Variants in ATP8B4 observed in about 807,000 individuals in gnomAD.
ATP8B4 encodes probable phospholipid-transporting ATPase IM.
A neutral mutation model predicts 145.6 loss-of-function variants in ATP8B4; 133 were observed. The observed-to-expected ratio is 0.91, with a 90% confidence interval of 0.79 to 1.05. The LOEUF (loss-of-function observed/expected upper bound fraction) is 1.05, where lower values mean the gene tolerates loss of function less well. ATP8B4 is among the 50% of genes least tolerant of loss of function. ATP8B4 has a pLI of 0.00. For missense variants in ATP8B4, 1,458 were observed against 1,425.2 expected (o/e 1.02, Z -0.37); for synonymous variants, 507 against 492.9 (o/e 1.03, Z -0.38).
At chr15:50,046,255 TTC>T (rs943631842) in intron 4 of ATP8B4, among the ~76,000 whole-genome samples, 1 of 151,988 alleles carries the variant, frequency 6.6e-6, no homozygotes, top group African/African-American at 2.4e-5. Context: ...TTCATTCGTT[TTC>T]TCTCTCTCTC....
chr15:49,979,731 C>A lies in ATP8B4; in HGVS notation c.920G>T (p.Arg307Ile), dbSNP rs766973778. 3.1e-6 allele frequency: 5 copies of A among 1,611,150 alleles called. No homozygotes were observed. ...IWESQTGDQF[R>I]TFLFWNEGEK... ...TCCTTCATTCCAAAAGAGGAAAGTT[C>A]TGAATTGGTCCCCAGTTTGACTCTC... Residue 307 changes from arginine to isoleucine, a missense_variant, in exon 12 of 28, where the codon AGA becomes ATA. Coordinates refer to ENST00000284509, the MANE Select transcript of ATP8B4 (RefSeq NM_024837.4).
intron 14 of ATP8B4, among the ~76,000 whole-genome samples, chr15:49,953,343 G>A (rs921157193): frequency 3.3e-5 from 5 of 152,140 alleles, no homozygotes; most frequent in African/African-American, 7.2e-5. Context: ...CAGAGACTGC[G>A]GCCACCCCTC....
At chr15:50,112,944 G>A (rs1486393339) in intron 1 of ATP8B4, among the ~76,000 whole-genome samples, 1 of 152,146 alleles carries the variant, frequency 6.6e-6, no homozygotes, top group African/African-American at 2.4e-5. Context: ...TGGAGAGGAA[G>A]AGGCTCCCTG....
chr15:50,158,236 C>T (rs540006031), intron 1 of ATP8B4, among the ~76,000 whole-genome samples: 3 of 151,594 alleles, frequency 2.0e-5, no homozygotes, highest in South Asian at 4.2e-4. Context: ...ATGTGAGGAG[C>T]CCCTCTGCCC....
upstream of ATP8B4, among the ~76,000 whole-genome samples, chr15:50,124,222 G>A (rs142665411): frequency 1.1e-4 from 16 of 152,142 alleles, no homozygotes; most frequent in African/African-American, 2.9e-4. Context: ...GTATTGGGCC[G>A]AAGTTCACCA....
At chr15:49,929,864 C>T (rs1009364439) in intron 16 of ATP8B4, among the ~76,000 whole-genome samples, 3 of 151,926 alleles carry the variant, frequency 2.0e-5, no homozygotes, top group African/African-American at 7.2e-5. Context: ...TGGGAAGTTA[C>T]AAGGTTAATG....
intron 15 of ATP8B4, among the ~76,000 whole-genome samples, chr15:49,931,846 T>C (rs2041287829): frequency 6.6e-6 from 1 of 151,926 alleles, no homozygotes; most frequent in Non-Finnish European, 1.5e-5. Flanking sequence ...GACCATTTTA[T>C]GAGAATGCAT....
intron 2 of ATP8B4, among the ~76,000 whole-genome samples, chr15:50,093,913 A>C (rs2055781559): frequency 6.6e-6 from 1 of 152,216 alleles, no homozygotes; most frequent in African/African-American, 2.4e-5. Flanking sequence ...TAGTAACAAA[A>C]GATTGATCTT....
At chr15:50,063,085 T>TAA (rs753490770) in intron 3 of ATP8B4, among the ~76,000 whole-genome samples, 6,632 of 138,600 alleles carry the variant, frequency 0.048, 183 homozygotes, top group African/African-American at 0.081. Context: ...TAGATGTCTT[T>TAA]AAAAAAAAAA....
intron 23 of ATP8B4, chr15:49,885,776 C>A (rs111639296): frequency 6.6e-6 from 1 of 152,166 alleles, no homozygotes; most frequent in East Asian, 1.9e-4. Context: ...TTGTCCCTCT[C>A]CCCAACACCC....
intron 25 of ATP8B4, among the ~76,000 whole-genome samples, chr15:49,874,053 C>T (rs967857970): frequency 7.2e-5 from 11 of 152,178 alleles, no homozygotes; most frequent in Non-Finnish European, 1.6e-4. Flanking sequence ...CAACATCTCC[C>T]TCATTTATTC....
At chr15:50,124,161 T>C (rs942189309), upstream of ATP8B4, among the ~76,000 whole-genome samples, 4 of 152,148 alleles carry the variant, frequency 2.6e-5, no homozygotes, top group South Asian at 2.1e-4. Flanking sequence ...AAAGAAAGTA[T>C]AGTTTTCTAA....
intron 7 of ATP8B4, among the ~76,000 whole-genome samples, chr15:50,003,876 C>T (rs1247488298): frequency 6.6e-6 from 1 of 152,142 alleles, no homozygotes; most frequent in East Asian, 1.9e-4. Flanking sequence ...TCCCTGCACA[C>T]AGCTGGCTAG....
chr15:50,003,490 T>G (rs1477271630), intron 7 of ATP8B4, among the ~76,000 whole-genome samples: 2 of 152,096 alleles, frequency 1.3e-5, no homozygotes, highest in African/African-American at 4.8e-5. Flanking sequence ...GAAAGCCACA[T>G]AAAGAAAGTG....
At chr15:50,139,519 G>A (rs965925217) in intron 1 of ATP8B4, among the ~76,000 whole-genome samples, 2 of 152,166 alleles carry the variant, frequency 1.3e-5, no homozygotes, top group Admixed American at 6.5e-5. Flanking sequence ...CGGGTTGATA[G>A]GTGCGGTAAA....
chr15:50,168,659 G>C (rs899889151), intron 1 of ATP8B4, among the ~76,000 whole-genome samples: 1 of 152,186 alleles, frequency 6.6e-6, no homozygotes, highest in East Asian at 1.9e-4. Flanking sequence ...GTGACAATTT[G>C]AATGGAGTGA....
At chr15:50,079,242 T>G (rs2054388517) in intron 2 of ATP8B4, among the ~76,000 whole-genome samples, 1 of 151,970 alleles carries the variant, frequency 6.6e-6, no homozygotes, top group Non-Finnish European at 1.5e-5. Context: ...ATAAAAAATT[T>G]TACAAAAAAG....
intron 2 of ATP8B4, among the ~76,000 whole-genome samples, chr15:50,077,560 G>C (rs2054263612): frequency 6.6e-6 from 1 of 152,334 alleles, no homozygotes; most frequent in East Asian, 1.9e-4. Flanking sequence ...TGAAGATTGA[G>C]AGTATGTTAT....
chr15:49,961,281 C>G lies in ATP8B4; in HGVS notation c.1287+696G>C, dbSNP rs1175322708. On this transcript the variant is annotated intron_variant, in intron 14 of 27. Coordinates refer to ENST00000284509, the MANE Select transcript of ATP8B4 (RefSeq NM_024837.4). ...TTTTTCATATAATCTCATCAAAGAT[C>G]ATAAACTTTGATAAAACATTGTGTT... Among the ~76,000 whole-genome samples, 3 of 152,308 alleles carry G rather than the reference C, an allele frequency of 2.0e-5. No individual in the cohort carries two copies. In the East Asian group the frequency reaches 5.8e-4, roughly 29 times the overall value.
Sources: allele counts gnomAD v4.1 joint callset (sites outside exome capture counted in the v4.1 genomes callset), GRCh38; gene constraint gnomAD v4.1.1; transcripts MANE v1.5; gene names NCBI Gene and HGNC (gene_info 2026-07-23, HGNC 2026-07-21).